The following MKRN2OS variants were observed in gnomAD, a reference collection of about 807,000 sequenced individuals.
MKRN2OS encodes the protein MKRN2 opposite strand, also known as MKRN2 opposite strand protein.
MKRN2OS carries 17 observed loss-of-function variants against 18.2 expected under a neutral mutation model. The ratio of observed to expected loss-of-function variants is 0.93; its 90% CI spans 0.64 to 1.40. The LOEUF (loss-of-function observed/expected upper bound fraction) is 1.40. Among genes scored for constraint, MKRN2OS ranks in the 40% most tolerant of loss-of-function variants. The pLI is 0.00. For missense variants in MKRN2OS, 337 were observed against 283.0 expected (o/e 1.19, Z -1.37); for synonymous variants, 121 against 108.5 (o/e 1.12, Z -0.72).
chr3:12,549,795 C>T (rs1436423411), upstream of MKRN2OS, among the ~76,000 whole-genome samples: 1 of 152,194 alleles, frequency 6.6e-6, no homozygotes, highest in African/African-American at 2.4e-5. Context: ...TCAAGTGATC[C>T]TCCTACATCA....
At chr3:12,549,216 T>C (rs185657745), upstream of MKRN2OS, among the ~76,000 whole-genome samples, 1 of 152,126 alleles carries the variant, frequency 6.6e-6, no homozygotes, top group East Asian at 1.9e-4. Context: ...GTGCTGGGAT[T>C]ACAGAAGTGA....
intron 1 of MKRN2OS, among the ~76,000 whole-genome samples, chr3:12,544,391 C>G (rs2057857475): frequency 6.6e-6 from 1 of 152,116 alleles, no homozygotes; most frequent in East Asian, 1.9e-4. Flanking sequence ...AAAATATAAA[C>G]CTGGCGGGGC....
At chr3:12,542,590 C>T (rs896786545) in intron 2 of MKRN2OS, among the ~76,000 whole-genome samples, 3 of 152,008 alleles carry the variant, frequency 2.0e-5, no homozygotes, top group African/African-American at 7.2e-5. Flanking sequence ...GCTACACATC[C>T]TGCAGGTGGC....
intron 1 of MKRN2OS, among the ~76,000 whole-genome samples, chr3:12,543,855 G>A (rs529566602): frequency 1.3e-5 from 2 of 149,826 alleles, no homozygotes; most frequent in African/African-American, 4.9e-5. Context: ...TTGCACCACT[G>A]CACTCCACCC....
At chr3:12,544,238 T>G (rs1465932181) in intron 1 of MKRN2OS, among the ~76,000 whole-genome samples, 1 of 152,130 alleles carries the variant, frequency 6.6e-6, no homozygotes, top group Non-Finnish European at 1.5e-5. Flanking sequence ...GAGGGTAAAC[T>G]CTAGGGAGCA....
chr3:12,551,222 A>T (rs914889358), downstream of MKRN2OS, among the ~76,000 whole-genome samples: 9 of 151,684 alleles, frequency 5.9e-5, no homozygotes, highest in African/African-American at 2.2e-4. Context: ...CCCGGGCACA[A>T]TGGCTCACGC....
At chr3:12,550,067 A>G (rs1322299417), upstream of MKRN2OS, among the ~76,000 whole-genome samples, 2 of 152,198 alleles carry the variant, frequency 1.3e-5, no homozygotes, top group African/African-American at 2.4e-5. Flanking sequence ...CTCTTACAAT[A>G]TGACCCAGAA....
chr3:12,551,667 G>A (rs1415380876), downstream of MKRN2OS, among the ~76,000 whole-genome samples: 1 of 152,120 alleles, frequency 6.6e-6, no homozygotes, highest in African/African-American at 2.4e-5. Flanking sequence ...CAGGCATAGT[G>A]GGTCACACCT....
chr3:12,547,615 T>C (rs1258761664), upstream of MKRN2OS, among the ~76,000 whole-genome samples: 1 of 152,186 alleles, frequency 6.6e-6, no homozygotes, highest in Non-Finnish European at 1.5e-5. Context: ...TTGGAAACTT[T>C]TCCACAATAT....
chr3:12,541,696 G>A (rs2057816285), intron 3 of MKRN2OS, among the ~76,000 whole-genome samples, 164 bp downstream of exon 3: 2 of 152,114 alleles, frequency 1.3e-5, no homozygotes, highest in South Asian at 2.1e-4. Context: ...AAAACCTAGG[G>A]TAGTTCAACC....
chr3:12,543,324 G>A, intron 1 of MKRN2OS, 95 bp from the exon 2 acceptor site: 2 of 1,044,756 alleles, frequency 1.9e-6, no homozygotes, highest in Non-Finnish European at 2.8e-6. Flanking sequence ...CAGTGGCTTA[G>A]ACCTGTAATC....
chr3:12,556,960 G>T, intron 1 of MKRN2OS: 1 of 510,280 alleles, frequency 2.0e-6, no homozygotes. Flanking sequence ...CCGATCCCCG[G>T]TGCGGAACCA....
At chr3:12,549,623 T>C (rs2057913987), upstream of MKRN2OS, among the ~76,000 whole-genome samples, 1 of 152,138 alleles carries the variant, frequency 6.6e-6, no homozygotes, top group Non-Finnish European at 1.5e-5. Context: ...TCAGTGCTCA[T>C]TGCAGCCTCA....
chr3:12,542,925 A>T (rs1323033782), intron 2 of MKRN2OS, among the ~76,000 whole-genome samples: 1 of 152,150 alleles, frequency 6.6e-6, no homozygotes, highest in Non-Finnish European at 1.5e-5. Flanking sequence ...AAAAACCAAT[A>T]AAAAATGTAC....
chr3:12,554,236 G>T (rs117600908), intron 1 of MKRN2OS: 1 of 152,344 alleles, frequency 6.6e-6, no homozygotes, highest in East Asian at 1.9e-4. Context: ...TGCCAGCGCG[G>T]GTTCCCTGGG....
rs2057778722 is a variant in MKRN2OS at position 12,540,377 on chromosome 3, A to G, written c.488T>C (p.Val163Ala). 1 of 1,535,974 alleles carries G rather than the reference A, an allele frequency of 6.5e-7. No individual in the cohort carries two copies. Among genetic ancestry groups the G allele is most frequent in the African/African-American group, 1.4e-5 (1 of 73,012 alleles). Residue 163 changes from valine to alanine, a missense_variant, in exon 4 of 4, where the codon GTT becomes GCT. Val to Ala is a moderately conservative substitution (Grantham distance 64, BLOSUM62 0). Coordinates refer to ENST00000564146, the MANE Select transcript of MKRN2OS (RefSeq NM_001195279.2). The stretch of plus-strand genomic sequence containing the variant: ...TTGCTGTCTACCTTCTGCCATCAGA[A>G]CGCAGTTAATGAACGTGAGTGCGTA... ...YSYALTFINCVLMAEGRQQLD... is the reference protein window; with the variant it reads ...YSYALTFINCALMAEGRQQLD...
Position 12,543,143 on chromosome 3 carries a change from G to A in MKRN2OS, c.268+37C>T, listed in dbSNP as rs1307979146. The A allele has an allele frequency of 2.7e-6, 4 of 1,499,982 alleles. No individual in the cohort carries two copies. In the Admixed American group the frequency reaches 8.0e-5, roughly 30 times the overall value. 92.9% of individuals were successfully genotyped at this position (1,499,982 alleles called of 1,614,324 possible). ...ACAAATACTGCTTTCCTTTTGCTGGGTAGTAGGGGTTTTTTAAGCTACAAA... is the reference window on the plus strand; with the variant it reads ...ACAAATACTGCTTTCCTTTTGCTGGATAGTAGGGGTTTTTTAAGCTACAAA... On this transcript the variant is annotated intron_variant, in intron 2 of 3. Transcript: ENST00000564146.
In MKRN2OS at chr3:12,545,243, G is replaced by A. The variant is rs763063680; in HGVS notation, c.218+4C>T. 2.8e-5 allele frequency: 43 copies of A among 1,528,708 alleles called. No individual in the cohort carries two copies. The highest frequency in any genetic ancestry group is 1.7e-4 in the Middle Eastern group (1 of 5,998). 94.7% of individuals were successfully genotyped at this position (1,528,708 alleles called of 1,614,324 possible). On this transcript the variant is annotated splice_donor_region_variant and intron_variant, in intron 1 of 3. Coordinates refer to ENST00000564146, the MANE Select transcript of MKRN2OS (RefSeq NM_001195279.2). ...GCAATTTAACACTGTAAAAAACACT[G>A]TACCTAAGAAATGTCCCCTGAGTTG...
chr3:12,540,877 C>CAAAAAAAAA lies in MKRN2OS; in HGVS notation c.432-453_432-445dup, dbSNP rs11369647. Among the ~76,000 whole-genome samples the CAAAAAAAAA allele has an allele frequency of 5.0e-5, 3 of 59,676 alleles. 1 individual carries two copies. The highest frequency in any genetic ancestry group is 6.7e-5 in the African/African-American group (1 of 14,832). 39.1% of individuals were successfully genotyped at this position (59,676 alleles called of 152,430 possible). A position where few individuals can be genotyped will look rare whatever the true frequency, so the allele number is the denominator to read the frequency against. On this transcript the variant is annotated intron_variant, in intron 3 of 3. Transcript: ENST00000564146. ...TGACAGAGTGAGTAAGACTCCATCT[C>CAAAAAAAAA]AAAAAAAAAAAAAAAAAAAAATGCA...
Sources: gnomAD v4.1 joint callset for allele counts (sites outside exome capture counted in the v4.1 genomes callset) on GRCh38, gnomAD v4.1.1 for gene constraint, MANE v1.5 for transcripts, NCBI Gene and HGNC (gene_info 2026-07-23, HGNC 2026-07-21) for gene names.